Variants in PTPRT observed in about 807,000 individuals in gnomAD.
PTPRT encodes the protein receptor-type tyrosine-protein phosphatase T.
PTPRT carries 56 observed loss-of-function variants against 176.8 expected under a neutral mutation model. The observed-to-expected ratio is 0.32, with a 90% CI of 0.26 to 0.40. The LOEUF is 0.40. PTPRT is among the 10% of genes least tolerant of loss of function. The probability of loss-of-function intolerance (pLI) is 1.00; values close to 1 mark genes in which losing one functional copy is unlikely to be tolerated. For synonymous variants in PTPRT, 783 were observed against 739.0 expected, an observed-to-expected ratio of 1.06 and a Z score of -0.96; for missense variants, 1,540 against 1,908.2, an observed-to-expected ratio of 0.81 and a Z score of 3.60.
chr20:42,328,620 A>C (rs2057919010), intron 11 of PTPRT, among the ~76,000 whole-genome samples: 2 of 152,116 alleles, frequency 1.3e-5, no homozygotes, highest in African/African-American at 4.8e-5. Flanking sequence ...AAGAGTCATA[A>C]AGATAAACTA....
At chr20:42,629,361 T>C (rs1160139496) in intron 7 of PTPRT, among the ~76,000 whole-genome samples, 1 of 152,202 alleles carries the variant, frequency 6.6e-6, no homozygotes, top group East Asian at 1.9e-4. Context: ...ACTGCATTTA[T>C]GGTGTGACAT....
At chr20:42,833,713 A>G (rs948393547) in intron 2 of PTPRT, among the ~76,000 whole-genome samples, 2 of 152,196 alleles carry the variant, frequency 1.3e-5, no homozygotes, top group African/African-American at 4.8e-5. Flanking sequence ...CACAGCCAAC[A>G]TCTGTGAAAT....
At position 42,840,911 on chromosome 20, in the gene PTPRT, T is replaced by G. The variant is rs188181784; in HGVS notation, c.214+44896A>C. 3.2e-3 allele frequency among the ~76,000 whole-genome samples: 490 copies of G among 152,270 alleles called. 3 individuals are homozygous for G. The highest frequency in any genetic ancestry group is 0.011 in the African/African-American group (469 of 41,540). On this transcript the variant is annotated intron_variant, in intron 2 of 30. Coordinates refer to ENST00000373187, the MANE Select transcript of PTPRT (RefSeq NM_007050.6). ...TAGTGGCCTTCCTGCTCAAGAAGCC[T>G]CTACCTTTCTCCTTATTGTTCATGG... is the stretch of plus-strand genomic sequence containing the variant.
At chr20:42,601,224 T>G (rs1459907400) in intron 7 of PTPRT, among the ~76,000 whole-genome samples, 1 of 152,310 alleles carries the variant, frequency 6.6e-6, no homozygotes, top group African/African-American at 2.4e-5. Context: ...AGAATGAAAT[T>G]TGAGGGTCAC....
At chr20:43,075,051 C>A (rs1226021996) in intron 1 of PTPRT, among the ~76,000 whole-genome samples, 1 of 152,226 alleles carries the variant, frequency 6.6e-6, no homozygotes, top group Admixed American at 6.5e-5. Flanking sequence ...TGCATGGATG[C>A]AGAACATAAA....
At chr20:42,802,770 A>G (rs2077549444) in intron 2 of PTPRT, among the ~76,000 whole-genome samples, 1 of 152,192 alleles carries the variant, frequency 6.6e-6, no homozygotes, top group African/African-American at 2.4e-5. Context: ...ACAATGAAAG[A>G]TAAGGGCATG....
intron 2 of PTPRT, among the ~76,000 whole-genome samples, chr20:42,880,762 G>C (rs2079000909): frequency 6.6e-6 from 1 of 152,222 alleles, no homozygotes; most frequent in Non-Finnish European, 1.5e-5. Context: ...ATAACGATAA[G>C]GTAGTGAAAC....
At position 43,127,332 on chromosome 20, in the gene PTPRT, A is replaced by G. The variant is rs1367575105; in HGVS notation, c.88+62314T>C. Reference sequence around the variant, plus strand: ...CAGCTACTCGGGAGGCTGAGGCAGGAGAATGGCGTGAACCTGGGAGGCGAA... The same window carrying G: ...CAGCTACTCGGGAGGCTGAGGCAGGGGAATGGCGTGAACCTGGGAGGCGAA... On this transcript the variant is annotated intron_variant, in intron 1 of 30. Transcript: ENST00000373187. Among the ~76,000 whole-genome samples, 4 of 151,542 alleles carry G rather than the reference A, an allele frequency of 2.6e-5. No homozygotes were observed. In the East Asian group the frequency reaches 7.8e-4, roughly 30 times the overall value.
At chr20:43,029,625 T>C (rs2146194262) in intron 1 of PTPRT, among the ~76,000 whole-genome samples, 1 of 152,366 alleles carries the variant, frequency 6.6e-6, no homozygotes, top group East Asian at 1.9e-4. Context: ...TATCTGCCCC[T>C]GCCATTGATA....
At chr20:42,366,574 G>A (rs1313722777) in intron 9 of PTPRT, among the ~76,000 whole-genome samples, 1 of 152,156 alleles carries the variant, frequency 6.6e-6, no homozygotes. Context: ...TCCCATCTGA[G>A]TGAGACATGC....
Position 42,424,776 on chromosome 20 carries a change from T to C in PTPRT, c.1560+23444A>G, listed in dbSNP as rs1027474131. ...AGATGAGAACACAAATATAAAACAG[T>C]CCTTAGCAACATCTTTCTTCCCAAG... On this transcript the variant is annotated intron_variant, in intron 9 of 30. Coordinates refer to ENST00000373187, the MANE Select transcript of PTPRT (RefSeq NM_007050.6). Among the ~76,000 whole-genome samples, 6 of 149,634 alleles carry C rather than the reference T, an allele frequency of 4.0e-5. No individual in the cohort carries two copies. In the South Asian group the frequency reaches 1.3e-3, roughly 32 times the overall value.
At chr20:42,634,903 T>A (rs1375762137) in intron 7 of PTPRT, among the ~76,000 whole-genome samples, 3 of 152,082 alleles carry the variant, frequency 2.0e-5, no homozygotes, top group Admixed American at 2.0e-4. Context: ...AAATCTAAGG[T>A]AAGTCTTTTT....
At chr20:42,665,449 G>T (rs1260191369) in intron 7 of PTPRT, among the ~76,000 whole-genome samples, 1 of 151,946 alleles carries the variant, frequency 6.6e-6, no homozygotes, top group Non-Finnish European at 1.5e-5. Flanking sequence ...AACAACAGGT[G>T]CTGGAGAGGA....
At chr20:42,216,530 T>C (rs1377474232) in intron 15 of PTPRT, among the ~76,000 whole-genome samples, 1 of 152,230 alleles carries the variant, frequency 6.6e-6, no homozygotes, top group Non-Finnish European at 1.5e-5. Context: ...GTCATTTGCC[T>C]ATCTTCTCTC....
At position 42,435,915 on chromosome 20, in the gene PTPRT, T is replaced by G. The variant is rs569565785; in HGVS notation, c.1560+12305A>C. 4.6e-5 allele frequency among the ~76,000 whole-genome samples: 7 copies of G among 152,266 alleles called. No homozygotes were observed. In the East Asian group the frequency reaches 1.2e-3, roughly 25 times the overall value. ...TATGACTATGCATGGTTACAGTGCA[T>G]GGAGGCCAGTGGAATAGAGAGCTCA... On this transcript the variant is annotated intron_variant, in intron 9 of 30. Transcript: ENST00000373187.
chr20:42,667,458 C>T (rs1003140852), intron 7 of PTPRT, among the ~76,000 whole-genome samples: 1 of 152,284 alleles, frequency 6.6e-6, no homozygotes, highest in East Asian at 1.9e-4. Flanking sequence ...CATACACTTT[C>T]TTTACATTGT....
At chr20:42,883,766 ACACACCCTCCATAAACG>A (rs1600515817) in intron 2 of PTPRT, among the ~76,000 whole-genome samples, 23 of 5,526 alleles carry the variant, frequency 4.2e-3, no homozygotes, top group Middle Eastern at 0.083. Flanking sequence ...ACACATGCAC[ACACACCCTCCATAAACG>A]CACACCCATA....
chr20:42,975,007 T>A (rs892050887), intron 1 of PTPRT, among the ~76,000 whole-genome samples: 10 of 152,156 alleles, frequency 6.6e-5, no homozygotes, highest in Non-Finnish European at 1.2e-4. Flanking sequence ...GATTTAACCA[T>A]GAGTCATCAC....
At chr20:42,979,314 A>G (rs574706318) in intron 1 of PTPRT, among the ~76,000 whole-genome samples, 32 of 152,242 alleles carry the variant, frequency 2.1e-4, no homozygotes, top group African/African-American at 7.0e-4. Context: ...TTTGCTGTAA[A>G]TATTTCCCTC....
Sources: allele counts gnomAD v4.1 joint callset (sites outside exome capture counted in the v4.1 genomes callset), GRCh38; gene constraint gnomAD v4.1.1; transcripts MANE v1.5; gene names NCBI Gene and HGNC (gene_info 2026-07-23, HGNC 2026-07-21).